C2CD2: variants seen among roughly 807,000 people sequenced by gnomAD.
The protein encoded by C2CD2 is C2 calcium dependent domain containing 2, also known as C2 domain-containing protein 2.
A neutral mutation model predicts 74.3 loss-of-function variants in C2CD2; 43 were observed. That is an observed-to-expected ratio of 0.58 (90% CI 0.45 to 0.75). The LOEUF is 0.75. Among genes scored for constraint, C2CD2 ranks in the 30% least tolerant of loss-of-function variants. The probability of loss-of-function intolerance (pLI) is 0.00; values close to 1 mark genes in which losing one functional copy is unlikely to be tolerated. For synonymous variants in C2CD2, 422 were observed against 390.7 expected, an observed-to-expected ratio of 1.08 and a Z score of -0.94; for missense variants, 801 against 916.3, an observed-to-expected ratio of 0.87 and a Z score of 1.63.
At chr21:41,935,568 A>C (rs2146218073) in intron 2 of C2CD2, among the ~76,000 whole-genome samples, 1 of 152,244 alleles carries the variant, frequency 6.6e-6, no homozygotes, top group East Asian at 1.9e-4. Flanking sequence ...CACAGCCAGA[A>C]AAGTTCTGAC....
chr21:41,922,916 G>T (rs2065170861), intron 2 of C2CD2, among the ~76,000 whole-genome samples: 1 of 152,010 alleles, frequency 6.6e-6, no homozygotes, highest in Non-Finnish European at 1.5e-5. Context: ...TCAAATCTTT[G>T]CTTCCTGATG....
Position 41,941,987 on chromosome 21 carries a change from C to T in C2CD2, c.378+160G>A, listed in dbSNP as rs182744641. On this transcript the variant is annotated intron_variant, in intron 2 of 13. Coordinates refer to ENST00000380486, the MANE Select transcript of C2CD2 (RefSeq NM_015500.2). ...AACGTCCCATTATGTGGACGGATCACACTTTCTTCATCTACCCATCAGCTG... is the reference window on the plus strand; with the variant it reads ...AACGTCCCATTATGTGGACGGATCATACTTTCTTCATCTACCCATCAGCTG... 10 of 478,640 alleles carry T rather than the reference C, an allele frequency of 2.1e-5. No homozygotes were observed. In the East Asian group the frequency reaches 1.0e-3, roughly 50 times the overall value. The allele number at this position is 478,640 out of a possible 1,614,324, so 29.6% of individuals were successfully genotyped here.
intron 2 of C2CD2, among the ~76,000 whole-genome samples, chr21:41,931,046 G>A (rs2065257124): frequency 6.6e-6 from 1 of 150,536 alleles, no homozygotes; most frequent in African/African-American, 2.4e-5. Flanking sequence ...GACAACATAG[G>A]TAGAAACTTG....
Position 41,907,046 on chromosome 21 carries a change from C to CAGTGACAGT in C2CD2, c.1255_1263dup (p.Thr419_Thr421dup), listed in dbSNP as rs2064970776. On this transcript the variant is annotated inframe_insertion, in exon 10 of 14. Transcript: ENST00000380486. ...TCGACGCGAGGCTTGGTCTTCACAG[C>CAGTGACAGT]AGTGACAGTAGTGACCACAGTCCCA... 1.2e-6 allele frequency: 2 copies of CAGTGACAGT among 1,613,978 alleles called. No homozygotes were observed. The highest frequency in any genetic ancestry group is 1.7e-6 in the Non-Finnish European group (2 of 1,179,934).
chr21:41,909,675 T>C, intron 7 of C2CD2, 152 bp from the exon 8 acceptor site: 1 of 657,172 alleles, frequency 1.5e-6, no homozygotes, highest in Non-Finnish European at 2.8e-6. Flanking sequence ...GGGAAAGAGT[T>C]ATCTGCAACC....
chr21:41,931,915 ACCACCCCACC>A (rs2065265266), intron 2 of C2CD2, among the ~76,000 whole-genome samples: 2 of 11,344 alleles, frequency 1.8e-4, no homozygotes, highest in Admixed American at 1.0e-3. Context: ...CCAGCATCCC[ACCACCCCACC>A]TCCAGCATCC....
At chr21:41,900,108 T>A (rs402077) in intron 12 of C2CD2, among the ~76,000 whole-genome samples, 30,523 of 151,766 alleles carry the variant, frequency 0.2, 3,396 homozygotes, top group Middle Eastern at 0.39. Context: ...CGTCTCTACT[T>A]AAAAAAGTAC....
chr21:41,904,051 G>A (rs1390906579), intron 11 of C2CD2, among the ~76,000 whole-genome samples: 1 of 152,116 alleles, frequency 6.6e-6, no homozygotes, highest in African/African-American at 2.4e-5. Flanking sequence ...CTCACAGGGT[G>A]AGCTAGGAGG....
chr21:41,918,774 C>A, intron 4 of C2CD2, 82 bp downstream of exon 4: 1 of 1,048,606 alleles, frequency 9.5e-7, no homozygotes, highest in Non-Finnish European at 1.5e-6. Flanking sequence ...ACCAGCCATG[C>A]ACTCAGTTCC....
rs539842671 is a variant in C2CD2, at chr21:41,885,458, G to A, written c.*3666C>T. ...AGAACGAGGCAGTGTATTGTGTTTC[G>A]AATGCAAACGGTCATGGACCCAAGT... On this transcript the variant is annotated 3_prime_UTR_variant, in exon 14 of 14. Transcript: ENST00000380486. 5 of 152,668 alleles carry A rather than the reference G, an allele frequency of 3.3e-5. No homozygotes were observed. The highest frequency in any genetic ancestry group is 9.7e-5 in the African/African-American group (4 of 41,442). 9.5% of individuals were successfully genotyped at this position (152,668 alleles called of 1,614,324 possible). A position where few individuals can be genotyped will look rare whatever the true frequency, so the allele number is the denominator to read the frequency against.
intron 13 of C2CD2, among the ~76,000 whole-genome samples, chr21:41,894,015 A>G (rs1165068566): frequency 6.6e-6 from 1 of 152,192 alleles, no homozygotes; most frequent in East Asian, 1.9e-4. Flanking sequence ...GTTGAATTTC[A>G]TAGTTCAACA....
At chr21:41,946,205 C>T (rs937146349) in intron 1 of C2CD2, among the ~76,000 whole-genome samples, 1 of 152,206 alleles carries the variant, frequency 6.6e-6, no homozygotes, top group South Asian at 2.1e-4. Flanking sequence ...GTTTAAGGAG[C>T]AACGGGCTCT....
intron 7 of C2CD2, 72 bp downstream of exon 7, chr21:41,912,260 T>C (rs1405496084): frequency 1.2e-6 from 1 of 856,164 alleles, no homozygotes; most frequent in Non-Finnish European, 1.9e-6. Context: ...TGCTGCAGAA[T>C]GATTTCAGGA....
At chr21:41,900,263 G>C (rs1281662180) in intron 12 of C2CD2, among the ~76,000 whole-genome samples, 2 of 152,080 alleles carry the variant, frequency 1.3e-5, no homozygotes, top group Admixed American at 1.3e-4. Context: ...GACAGAGCGA[G>C]ACTCCGTCTC....
chr21:41,914,236 A>C (rs1320154501), intron 6 of C2CD2, among the ~76,000 whole-genome samples: 5 of 151,934 alleles, frequency 3.3e-5, no homozygotes, highest in South Asian at 4.2e-4. Flanking sequence ...CAAAAAAAAG[A>C]AAGCAGAAGC....
intron 11 of C2CD2, among the ~76,000 whole-genome samples, chr21:41,902,836 C>A (rs1469475527): frequency 2.0e-5 from 3 of 152,078 alleles, no homozygotes; most frequent in African/African-American, 7.2e-5. Context: ...GGAGCTGGGG[C>A]ATCCTTCTCA....
intron 1 of C2CD2, among the ~76,000 whole-genome samples, chr21:41,947,626 A>G (rs2065412378): frequency 6.6e-6 from 1 of 152,228 alleles, no homozygotes; most frequent in African/African-American, 2.4e-5. Flanking sequence ...AAAGCAGTTC[A>G]AAATAAAAAG....
intron 1 of C2CD2, among the ~76,000 whole-genome samples, chr21:41,947,141 C>CTCTCTCTCTCTCTCTCTCTCTCTCTCTCT (rs1569084407): frequency 8.9e-4 from 18 of 20,182 alleles, no homozygotes; most frequent in African/African-American, 4.1e-3. Context: ...TCTCTCTCTC[C>CTCTCTCTCTCTCTCTCTCTCTCTCTCTCT]CTCCCTCCCT....
chr21:41,891,346 GA>G (rs1244192240), intron 13 of C2CD2, among the ~76,000 whole-genome samples: 3 of 152,228 alleles, frequency 2.0e-5, no homozygotes, highest in Admixed American at 6.5e-5. Flanking sequence ...AGCACATCGT[GA>G]AAAACCAGCC....
Sources: allele counts gnomAD v4.1 joint callset (sites outside exome capture counted in the v4.1 genomes callset), GRCh38; gene constraint gnomAD v4.1.1; transcripts MANE v1.5; gene names NCBI Gene and HGNC (gene_info 2026-07-23, HGNC 2026-07-21).